Variants in ATAD2B observed in about 807,000 individuals in gnomAD.
ATAD2B encodes the protein ATPase family AAA domain containing 2B.
ATAD2B carries 40 observed loss-of-function variants against 167.6 expected under a neutral mutation model. The observed-to-expected ratio is 0.24, with a 90% CI of 0.19 to 0.31. The LOEUF (loss-of-function observed/expected upper bound fraction) is 0.31. ATAD2B is among the 10% of genes least tolerant of loss of function. ATAD2B has a pLI of 1.00. For synonymous variants in ATAD2B, 579 were observed against 596.5 expected (o/e 0.97, Z 0.43); for missense variants, 1,242 against 1,757.2 (o/e 0.71, Z 5.24).
At chr2:23,698,610 T>TATA in the ATAD2B span, among the ~76,000 whole-genome samples, 1 of 152,208 alleles carries the variant, frequency 6.6e-6, no homozygotes, top group African/African-American at 2.4e-5. Flanking sequence ...AGCAAGATTA[T>TATA]ATAATTATAG....
the ATAD2B span, among the ~76,000 whole-genome samples, chr2:23,717,179 C>A: frequency 6.6e-6 from 1 of 152,154 alleles, no homozygotes; most frequent in African/African-American, 2.4e-5. Flanking sequence ...TTAATACCTA[C>A]GAGACTGTGG....
At chr2:23,869,570 T>C (rs1365452885) in intron 9 of ATAD2B, 93 bp downstream of exon 9, 4 of 825,670 alleles carry the variant, frequency 4.8e-6, no homozygotes, top group African/African-American at 1.7e-5. Context: ...CTAAAATATG[T>C]GTTGAATATC....
At chr2:23,698,911 T>TAACA in the ATAD2B span, among the ~76,000 whole-genome samples, 13 of 152,322 alleles carry the variant, frequency 8.5e-5, no homozygotes, top group South Asian at 1.2e-3. Flanking sequence ...GACTGAGGAC[T>TAACA]AACAGCCACA....
In ATAD2B at chr2:23,798,254, C is replaced by T. The variant is rs768084019; in HGVS notation, c.2524G>A (p.Ala842Thr). 11 of 1,612,764 alleles carry T rather than the reference C, an allele frequency of 6.8e-6. No homozygotes were observed. The highest frequency in any genetic ancestry group is 5.3e-5 in the African/African-American group (4 of 74,876). Residue 842 changes from alanine to threonine, a missense_variant, in exon 19 of 28, where the codon GCT (alanine) becomes ACT (threonine). This residue lies in a region of ATAD2B where 34 missense variants were observed against 101.1 expected (regional missense o/e 0.34). Transcript: ENST00000238789. ...YMPHIGDWWE[A>T]VSETVRATFL... ...GTTGCTCTCACAGTTTCACTGACAG[C>T]TTCCCACCAATCCCCAATGTGAGGC...
At chr2:23,737,845 A>C in the ATAD2B span, among the ~76,000 whole-genome samples, 1 of 152,234 alleles carries the variant, frequency 6.6e-6, no homozygotes, top group Non-Finnish European at 1.5e-5. Flanking sequence ...AATGCAGAGA[A>C]GTCCTTAAAG....
At chr2:23,911,016 C>T (rs184540983) in intron 1 of ATAD2B, among the ~76,000 whole-genome samples, 34 of 151,534 alleles carry the variant, frequency 2.2e-4, no homozygotes, top group Admixed American at 1.2e-3. Context: ...CACCTGAAGT[C>T]GGGAGTTCGA....
chr2:23,896,098 T>C (rs1305117472), intron 1 of ATAD2B, 128 bp from the exon 2 acceptor site: 14 of 596,694 alleles, frequency 2.3e-5, no homozygotes, highest in Non-Finnish European at 3.5e-5. Flanking sequence ...GGGCGATCAC[T>C]TGAGGTCAGG....
chr2:23,777,348 A>ATATATCTATATC (rs71402507), intron 22 of ATAD2B, among the ~76,000 whole-genome samples: 21,663 of 146,160 alleles, frequency 0.15, 2,189 homozygotes, highest in East Asian at 0.39. Context: ...CATAATACTG[A>ATATATCTATATC]TATATCTATA....
intron 2 of ATAD2B, among the ~76,000 whole-genome samples, chr2:23,890,374 T>C (rs1054384079): frequency 4.6e-5 from 7 of 152,178 alleles, no homozygotes; most frequent in Non-Finnish European, 7.4e-5. Context: ...ATATACTATC[T>C]TGGAGAAAAT....
intron 18 of ATAD2B, 29 bp from the exon 19 acceptor site, chr2:23,798,352 C>T (rs773343571): frequency 3.6e-5 from 54 of 1,517,730 alleles, no homozygotes; most frequent in Non-Finnish European, 4.7e-5. Context: ...CAACATTAAA[C>T]AACTCAAATT....
intron 1 of ATAD2B, among the ~76,000 whole-genome samples, chr2:23,907,887 G>A (rs1701723455): frequency 6.6e-6 from 1 of 152,152 alleles, no homozygotes; most frequent in African/African-American, 2.4e-5. Flanking sequence ...AAGAAATGGG[G>A]AAAGGATTCC....
intron 13 of ATAD2B, among the ~76,000 whole-genome samples, chr2:23,850,356 C>T (rs1349862042): frequency 6.6e-6 from 1 of 151,982 alleles, no homozygotes; most frequent in South Asian, 2.1e-4. Flanking sequence ...GAATACATGT[C>T]AAAAACTGTG....
At chr2:23,723,137 C>A in the ATAD2B span, among the ~76,000 whole-genome samples, 4 of 151,916 alleles carry the variant, frequency 2.6e-5, no homozygotes, top group African/African-American at 9.7e-5. Flanking sequence ...ACAAAAAGTA[C>A]AAAAAATTAG....
the ATAD2B span, among the ~76,000 whole-genome samples, chr2:23,723,157 G>A: frequency 2.0e-5 from 3 of 152,194 alleles, no homozygotes; most frequent in South Asian, 6.2e-4. Context: ...GCCAGACTTG[G>A]TGGCATGTGC....
chr2:23,875,013 C>T (rs1460974262), intron 8 of ATAD2B, among the ~76,000 whole-genome samples: 2 of 149,778 alleles, frequency 1.3e-5, no homozygotes, highest in Non-Finnish European at 3.0e-5. Flanking sequence ...CCAAGATTGC[C>T]CCACTGCACT....
At chr2:23,779,128 G>A (rs2149374346) in intron 22 of ATAD2B, among the ~76,000 whole-genome samples, 1 of 151,424 alleles carries the variant, frequency 6.6e-6, no homozygotes, top group East Asian at 1.9e-4. Context: ...TGCTATAGTG[G>A]CTAACAGTGA....
intron 19 of ATAD2B, among the ~76,000 whole-genome samples, chr2:23,796,036 C>T (rs539552787): frequency 6.6e-6 from 1 of 152,070 alleles, no homozygotes; most frequent in South Asian, 2.1e-4. Context: ...GAGTCAAGAC[C>T]AGCCTGGGAA....
chr2:23,739,417 C>T, the ATAD2B span, among the ~76,000 whole-genome samples: 2 of 152,134 alleles, frequency 1.3e-5, no homozygotes, highest in Non-Finnish European at 2.9e-5. Flanking sequence ...CACTCAACTA[C>T]ATGGAAACTG....
chr2:23,798,417 A>C, intron 18 of ATAD2B, 94 bp from the exon 19 acceptor site: 5 of 962,260 alleles, frequency 5.2e-6, no homozygotes, highest in African/African-American at 1.7e-5. Flanking sequence ...TGTCAGGCCT[A>C]TTATGGTCAT....
Sources: gnomAD v4.1 joint callset for allele counts (sites outside exome capture counted in the v4.1 genomes callset) on GRCh38, gnomAD v4.1.1 for gene constraint, gnomAD v4.1.1 regional missense constraint, MANE v1.5 for transcripts, NCBI Gene and HGNC (gene_info 2026-07-23, HGNC 2026-07-21) for gene names.